The following SYT14 variants were observed in gnomAD, a reference collection of about 807,000 sequenced individuals.
The protein encoded by SYT14 is synaptotagmin 14, also known as synaptotagmin-14.
Under a neutral mutation model 74.2 loss-of-function variants are expected in SYT14, and 32 were observed. That is an observed-to-expected ratio of 0.43 (90% confidence interval 0.33 to 0.58). The LOEUF is 0.58. SYT14 is among the 20% of genes least tolerant of loss of function. The probability of loss-of-function intolerance (pLI) is 0.05; values close to 1 mark genes in which losing one functional copy is unlikely to be tolerated. For synonymous variants in SYT14, 298 were observed against 337.7 expected (o/e 0.88, Z 1.29); for missense variants, 791 against 981.8 (o/e 0.81, Z 2.60).
intron 5 of SYT14, among the ~76,000 whole-genome samples, chr1:210,024,185 G>C (rs1388977628): frequency 6.6e-6 from 1 of 152,218 alleles, no homozygotes; most frequent in Admixed American, 6.5e-5. Flanking sequence ...TTGTTTGCCA[G>C]TGAGAATTTG....
chr1:209,992,465 G>A (rs1022298530), intron 2 of SYT14, among the ~76,000 whole-genome samples: 10 of 152,180 alleles, frequency 6.6e-5, no homozygotes, highest in African/African-American at 2.4e-4. Flanking sequence ...TCATGGGTAA[G>A]TGGGAGATAA....
chr1:210,046,209 G>A (rs2080881653), intron 5 of SYT14, among the ~76,000 whole-genome samples: 1 of 152,062 alleles, frequency 6.6e-6, no homozygotes, highest in African/African-American at 2.4e-5. Flanking sequence ...TCCTGTCTCT[G>A]CTAAAAGTAC....
chr1:210,044,947 C>T (rs2080858299), intron 5 of SYT14, among the ~76,000 whole-genome samples: 1 of 150,488 alleles, frequency 6.6e-6, no homozygotes, highest in African/African-American at 2.5e-5. Context: ...TGGTACTAAA[C>T]CATTCATGAA....
At chr1:210,000,028 C>A (rs2079865410) in intron 2 of SYT14, among the ~76,000 whole-genome samples, 1 of 152,048 alleles carries the variant, frequency 6.6e-6, no homozygotes, top group African/African-American at 2.4e-5. Flanking sequence ...TGAATATGTG[C>A]AAAAATTATG....
At chr1:210,010,519 A>G (rs1330034545) in intron 2 of SYT14, among the ~76,000 whole-genome samples, 3 of 152,080 alleles carry the variant, frequency 2.0e-5, no homozygotes, top group Admixed American at 2.0e-4. Context: ...CCTTTTTTAT[A>G]CCCTACTCAA....
chr1:210,047,654 C>T (rs2080911118), intron 5 of SYT14, among the ~76,000 whole-genome samples: 1 of 152,188 alleles, frequency 6.6e-6, no homozygotes, highest in African/African-American at 2.4e-5. Flanking sequence ...GCCTTGGCCA[C>T]CCAAAGTGCT....
chr1:210,164,176 A>G (rs1159196829), exon 10 of SYT14: 3 of 375,066 alleles, frequency 8.0e-6, no homozygotes, highest in South Asian at 4.1e-5. Context: ...TTGTGTCTTC[A>G]GTACAATCCA....
At chr1:210,043,826 T>C (rs1019034232) in intron 5 of SYT14, among the ~76,000 whole-genome samples, 1 of 152,200 alleles carries the variant, frequency 6.6e-6, no homozygotes, top group Non-Finnish European at 1.5e-5. Context: ...CTAATTATTA[T>C]CACAGTATAT....
intron 7 of SYT14, among the ~76,000 whole-genome samples, chr1:210,144,562 A>G (rs2082990556): frequency 6.6e-6 from 1 of 152,006 alleles, no homozygotes; most frequent in South Asian, 2.1e-4. Flanking sequence ...TTAATTTTTA[A>G]ATAGTTAAAA....
At chr1:209,959,058 C>G (rs182393993) in intron 2 of SYT14, among the ~76,000 whole-genome samples, 48 of 152,142 alleles carry the variant, frequency 3.2e-4, no homozygotes, top group African/African-American at 1.2e-3. Flanking sequence ...TACTGCTAGG[C>G]CTATACCCAA....
intron 7 of SYT14, among the ~76,000 whole-genome samples, chr1:210,148,870 CTAGACAAGAATAACATGAGAAAAT>C (rs2083098883): frequency 6.6e-6 from 1 of 152,086 alleles, no homozygotes; most frequent in South Asian, 2.1e-4. Context: ...TTGACACCAA[CTAGACAAGAATAACATGAGAAAAT>C]TATAAACCAA....
chr1:210,107,785 A>C (rs529194137), intron 7 of SYT14, among the ~76,000 whole-genome samples: 1 of 152,140 alleles, frequency 6.6e-6, no homozygotes. Context: ...AAGTATTTCT[A>C]TTCCTTTTTC....
chr1:209,959,018 A>C (rs1003481922), intron 2 of SYT14, among the ~76,000 whole-genome samples: 2 of 152,238 alleles, frequency 1.3e-5, no homozygotes, highest in African/African-American at 4.8e-5. Context: ...CCTAAAAAAA[A>C]ATAGAGTTAC....
intron 6 of SYT14, among the ~76,000 whole-genome samples, chr1:210,099,103 C>T (rs2082015646): frequency 6.6e-6 from 1 of 151,810 alleles, no homozygotes. Flanking sequence ...TTAAATTGGC[C>T]CACATTTTGA....
At chr1:210,140,973 C>T (rs2082901909) in intron 7 of SYT14, among the ~76,000 whole-genome samples, 1 of 149,104 alleles carries the variant, frequency 6.7e-6, no homozygotes, top group African/African-American at 2.5e-5. Context: ...ATTGTCTTGG[C>T]TATTCTGGGT....
At chr1:210,133,476 T>C (rs1441714319) in intron 7 of SYT14, among the ~76,000 whole-genome samples, 2 of 152,184 alleles carry the variant, frequency 1.3e-5, no homozygotes, top group Non-Finnish European at 2.9e-5. Context: ...TTTATTTCAT[T>C]TGATAGCAGA....
intron 2 of SYT14, among the ~76,000 whole-genome samples, chr1:209,985,302 A>G (rs1235078137): frequency 1.3e-5 from 2 of 152,242 alleles, no homozygotes; most frequent in East Asian, 1.9e-4. Context: ...GCCAAAAGAA[A>G]GGGGCTGCAG....
At chr1:210,012,194 A>G (rs1461166609) in intron 2 of SYT14, among the ~76,000 whole-genome samples, 4 of 152,234 alleles carry the variant, frequency 2.6e-5, no homozygotes, top group African/African-American at 9.6e-5. Flanking sequence ...CATAACTTCC[A>G]GAAAAGTTTT....
chr1:210,150,050 T>G (rs2083126992), intron 7 of SYT14, among the ~76,000 whole-genome samples: 1 of 152,170 alleles, frequency 6.6e-6, no homozygotes, highest in East Asian at 1.9e-4. Flanking sequence ...CGGACTTTAT[T>G]GCAAAGCCCT....
Sources: gnomAD v4.1 joint callset for allele counts (sites outside exome capture counted in the v4.1 genomes callset) on GRCh38, gnomAD v4.1.1 for gene constraint, MANE v1.5 for transcripts, NCBI Gene and HGNC (gene_info 2026-07-23, HGNC 2026-07-21) for gene names.